Variants in COBLL1 observed in about 807,000 individuals in gnomAD.
COBLL1 encodes the protein cordon-bleu WH2 repeat protein like 1, also known as cordon-bleu protein-like 1.
A neutral mutation model predicts 94.8 loss-of-function variants in COBLL1; 50 were observed. The ratio of observed to expected loss-of-function variants is 0.53; its 90% CI spans 0.42 to 0.67. The LOEUF (loss-of-function observed/expected upper bound fraction) is 0.67, where lower values mean the gene tolerates loss of function less well. COBLL1 is among the 30% of genes least tolerant of loss of function. COBLL1 has a pLI of 0.00. For synonymous variants in COBLL1, 448 were observed against 473.8 expected (o/e 0.95, Z 0.71); for missense variants, 1,362 against 1,348.7 (o/e 1.01, Z -0.15).
chr2:164,799,019 C>CAAAAAAAAAAAAAAA (rs555113117), intron 2 of COBLL1, among the ~76,000 whole-genome samples: 5 of 69,824 alleles, frequency 7.2e-5, no homozygotes, highest in Non-Finnish European at 1.0e-4. Flanking sequence ...GACTCCGTCT[C>CAAAAAAAAAAAAAAA]AAAAAAAAAA....
chr2:164,699,903 T>C (rs1450940031), intron 10 of COBLL1, among the ~76,000 whole-genome samples: 1 of 152,076 alleles, frequency 6.6e-6, no homozygotes, highest in African/African-American at 2.4e-5. Flanking sequence ...GATCTTTTTT[T>C]CCCTTTGGTG....
At chr2:164,788,022 G>A (rs971547977) in intron 2 of COBLL1, among the ~76,000 whole-genome samples, 7 of 151,990 alleles carry the variant, frequency 4.6e-5, no homozygotes, top group Non-Finnish European at 7.4e-5. Flanking sequence ...CCCGGCCTCC[G>A]TTTCATACTT....
chr2:164,659,180 G>A (rs548407358), intron 2 of COBLL1, among the ~76,000 whole-genome samples: 1 of 152,248 alleles, frequency 6.6e-6, no homozygotes, highest in South Asian at 2.1e-4. Context: ...TAGTGCCCGA[G>A]TGAGGGCTAT....
At chr2:164,802,613 T>C (rs1683868409) in intron 2 of COBLL1, among the ~76,000 whole-genome samples, 1 of 152,196 alleles carries the variant, frequency 6.6e-6, no homozygotes, top group African/African-American at 2.4e-5. Flanking sequence ...CATTGGGTGA[T>C]CTGATAAAGT....
At chr2:164,694,243 C>A in intron 12 of COBLL1, 26 bp downstream of exon 12, 1 of 1,583,736 alleles carries the variant, frequency 6.3e-7, no homozygotes, top group Non-Finnish European at 8.6e-7. Flanking sequence ...AATTTGAATA[C>A]TTATTTTTAA....
chr2:164,697,359 T>TTA (rs1326048644), intron 11 of COBLL1: 1 of 152,154 alleles, frequency 6.6e-6, no homozygotes, highest in Non-Finnish European at 1.5e-5. Context: ...ATTTACAAAA[T>TTA]TAAAGACCCA....
chr2:164,757,931 G>C (rs1017569108), intron 2 of COBLL1, among the ~76,000 whole-genome samples: 6 of 151,954 alleles, frequency 3.9e-5, no homozygotes, highest in Admixed American at 1.3e-4. Context: ...TTTTTGAACA[G>C]TTATGAAAGT....
chr2:164,818,517 C>T (rs1684965540), intron 2 of COBLL1, among the ~76,000 whole-genome samples: 1 of 145,906 alleles, frequency 6.9e-6, no homozygotes, highest in Admixed American at 7.0e-5. Context: ...TATATGTATA[C>T]TTATATACAA....
At chr2:164,745,444 G>C (rs1686814010) in intron 2 of COBLL1, among the ~76,000 whole-genome samples, 1 of 152,156 alleles carries the variant, frequency 6.6e-6, no homozygotes, top group Non-Finnish European at 1.5e-5. Flanking sequence ...TTTTAAATCT[G>C]CGGAAATTAA....
intron 7 of COBLL1, among the ~76,000 whole-genome samples, chr2:164,705,576 G>A (rs1326728770): frequency 6.6e-6 from 1 of 152,134 alleles, no homozygotes; most frequent in African/African-American, 2.4e-5. Flanking sequence ...CTACTGCAAA[G>A]AGCTACTGCT....
At chr2:164,703,923 C>T (rs1051139974) in intron 9 of COBLL1, among the ~76,000 whole-genome samples, 3 of 152,090 alleles carry the variant, frequency 2.0e-5, no homozygotes, top group Non-Finnish European at 2.9e-5. Flanking sequence ...AATTATGTAA[C>T]TTGTAATGGA....
chr2:164,776,991 A>G (rs1688496934), intron 2 of COBLL1, among the ~76,000 whole-genome samples: 1 of 152,134 alleles, frequency 6.6e-6, no homozygotes, highest in East Asian at 1.9e-4. Context: ...CACTTTACCT[A>G]GTTTCCTTTA....
Position 164,743,724 on chromosome 2 carries a change from G to A in COBLL1, c.193C>T (p.Pro65Ser). 6.2e-7 allele frequency: 1 copy of A among 1,613,452 alleles called. No homozygotes were observed. Among genetic ancestry groups the A allele is most frequent in the South Asian group, 1.1e-5 (1 of 91,048 alleles). ...GTAGTAGATTTGATAATATCCCCAG[G>A]TAGGACCACTGAGAGTTCAACGTCT... The part of the protein sequence containing the change: ...DKDVELSVVL[P>S]GDIIKSTTVH... The change falls in exon 3 of 14, where the codon CCT (proline) becomes TCT (serine). Residue 65 changes from proline to serine, a missense_variant. Pro to Ser is a moderately conservative substitution (Grantham distance 74). Coordinates refer to ENST00000652658, the MANE Select transcript of COBLL1 (RefSeq NM_001365672.2).
At chr2:164,829,059 G>C (rs114560255) in intron 2 of COBLL1, among the ~76,000 whole-genome samples, 159 of 152,168 alleles carry the variant, frequency 1.0e-3, no homozygotes, top group African/African-American at 3.8e-3. Context: ...TGAATATGTT[G>C]CCTATTAGAA....
Position 164,841,523 on chromosome 2 carries a change from G to T in COBLL1, c.-51+187C>A. 2.0e-6 allele frequency: 2 copies of T among 977,754 alleles called. No individual in the cohort carries two copies. The highest frequency in any genetic ancestry group is 2.5e-6 in the Non-Finnish European group (2 of 787,580). 60.6% of individuals were successfully genotyped at this position (977,754 alleles called of 1,614,324 possible). A position where few individuals can be genotyped will look rare whatever the true frequency, so the allele number is the denominator to read the frequency against. On this transcript the variant is annotated intron_variant, in intron 1 of 13. Transcript: ENST00000652658. The surrounding 1 kb of genome is among the most constrained non-coding windows in gnomAD (Gnocchi z 5.5). ...GGGTAGCCATTTGGCGCCTCTCGGA[G>T]GGAGAGGAGCCGCCGGGGCTGGAAA... is the stretch of plus-strand genomic sequence containing the variant.
intron 2 of COBLL1, among the ~76,000 whole-genome samples, chr2:164,810,438 CA>C (rs1330762593): frequency 6.6e-6 from 1 of 150,920 alleles, no homozygotes; most frequent in Non-Finnish European, 1.5e-5. Context: ...AATGACATAG[CA>C]AAGAAATTTA....
chr2:164,694,529 G>A lies in COBLL1; in HGVS notation c.2863C>T (p.Pro955Ser). ...ACCTGACTAGCAGGAATTGTCACAG[G>A]TTTTGGAGCTATGGGAGGAGGGGAG... ...EASPPPIAPK[P>S]VTIPASQVST... The change falls in exon 12 of 14, where the codon CCT becomes TCT. Residue 955 changes from proline (P) to serine (S), a missense_variant. Pro to Ser is a moderately conservative substitution (Grantham distance 74, BLOSUM62 -1). Transcript: ENST00000652658. 1 of 1,614,022 alleles carries A rather than the reference G, an allele frequency of 6.2e-7. No homozygotes were observed. The highest frequency in any genetic ancestry group is 1.7e-5 in the Admixed American group (1 of 59,986).
chr2:164,661,640 T>C (rs1691071684), intron 2 of COBLL1, among the ~76,000 whole-genome samples: 1 of 152,172 alleles, frequency 6.6e-6, no homozygotes. Context: ...TGTGTATTAA[T>C]GTAGATGTCA....
intron 2 of COBLL1, among the ~76,000 whole-genome samples, chr2:164,811,110 T>G (rs368052800): frequency 1.4e-4 from 21 of 152,000 alleles, no homozygotes; most frequent in African/African-American, 4.1e-4. Flanking sequence ...CATTGACAAC[T>G]GGGAGTTCAA....
Sources: allele counts gnomAD v4.1 joint callset (sites outside exome capture counted in the v4.1 genomes callset), GRCh38; gene constraint gnomAD v4.1.1; non-coding constraint Gnocchi (gnomAD v3.1); transcripts MANE v1.5; gene names NCBI Gene and HGNC (gene_info 2026-07-23, HGNC 2026-07-21).